Variants in ADGRB3 observed in about 807,000 individuals in gnomAD.
ADGRB3 encodes the protein brain-specific angiogenesis inhibitor 3.
ADGRB3 carries 37 observed loss-of-function variants against 193.4 expected under a neutral mutation model. The ratio of observed to expected loss-of-function variants is 0.19; its 90% CI spans 0.15 to 0.25. ADGRB3 has a LOEUF of 0.25. ADGRB3 is among the 10% of genes least tolerant of loss of function. The pLI is 1.00. For synonymous variants in ADGRB3, 690 were observed against 644.2 expected, an observed-to-expected ratio of 1.07 and a Z score of -1.08; for missense variants, 1,637 against 1,852.9, an observed-to-expected ratio of 0.88 and a Z score of 2.14.
chr6:69,360,734 T>C (rs1561998853), intron 28 of ADGRB3, 135 bp from the exon 29 acceptor site: 1 of 862,474 alleles, frequency 1.2e-6, no homozygotes, highest in Non-Finnish European at 1.7e-6. Flanking sequence ...CAAATTGATA[T>C]GTATTTTTTT....
intron 3 of ADGRB3, among the ~76,000 whole-genome samples, chr6:68,647,708 G>A (rs556113006): frequency 5.9e-5 from 9 of 152,214 alleles, no homozygotes; most frequent in East Asian, 1.9e-4. Context: ...ATTGCTGATC[G>A]GCAGCAAAGC....
chr6:69,102,017 A>G (rs976465383), intron 17 of ADGRB3, among the ~76,000 whole-genome samples: 3 of 152,132 alleles, frequency 2.0e-5, no homozygotes, highest in African/African-American at 4.8e-5. Flanking sequence ...CTCTACTAAA[A>G]ATACAAAAAA....
At chr6:69,183,015 A>G (rs911507932) in intron 17 of ADGRB3, among the ~76,000 whole-genome samples, 2 of 152,096 alleles carry the variant, frequency 1.3e-5, no homozygotes, top group African/African-American at 2.4e-5. Flanking sequence ...CTTTTAAAAT[A>G]TGGCACTACT....
intron 10 of ADGRB3, among the ~76,000 whole-genome samples, chr6:68,992,450 C>A (rs1359993465): frequency 6.6e-6 from 1 of 152,022 alleles, no homozygotes; most frequent in African/African-American, 2.4e-5. Flanking sequence ...TGAATAAATA[C>A]GTAAATATCA....
chr6:69,335,856 C>G (rs1326080760), intron 24 of ADGRB3, among the ~76,000 whole-genome samples: 1 of 152,006 alleles, frequency 6.6e-6, no homozygotes, highest in Non-Finnish European at 1.5e-5. Context: ...TGTTCCTTCT[C>G]CCATTTTTTC....
chr6:69,211,557 A>G (rs1046277804), intron 17 of ADGRB3, among the ~76,000 whole-genome samples: 3 of 152,192 alleles, frequency 2.0e-5, no homozygotes, highest in African/African-American at 7.2e-5. Flanking sequence ...AAATGTAACA[A>G]CTGAGCTTAA....
At chr6:69,206,679 A>G (rs1765547879) in intron 17 of ADGRB3, among the ~76,000 whole-genome samples, 1 of 152,216 alleles carries the variant, frequency 6.6e-6, no homozygotes, top group African/African-American at 2.4e-5. Flanking sequence ...CACATGATAA[A>G]AAAGAAAAGA....
chr6:69,074,829 G>A (rs1319981578), intron 16 of ADGRB3, among the ~76,000 whole-genome samples: 2 of 152,132 alleles, frequency 1.3e-5, no homozygotes, highest in African/African-American at 2.4e-5. Context: ...ACAGGCGTGA[G>A]CCACTGCGCC....
chr6:69,164,255 C>T (rs1775075970), intron 17 of ADGRB3, among the ~76,000 whole-genome samples: 1 of 152,002 alleles, frequency 6.6e-6, no homozygotes, highest in African/African-American at 2.4e-5. Context: ...CTACACCTAG[C>T]ACAGTGCTGG....
intron 17 of ADGRB3, among the ~76,000 whole-genome samples, chr6:69,084,169 T>C (rs1772481284): frequency 6.6e-6 from 1 of 152,130 alleles, no homozygotes; most frequent in Non-Finnish European, 1.5e-5. Flanking sequence ...TGCTGTCTGC[T>C]TTTCCCTCTG....
chr6:69,119,167 T>C (rs971231738), intron 17 of ADGRB3, among the ~76,000 whole-genome samples: 2 of 152,236 alleles, frequency 1.3e-5, no homozygotes, highest in African/African-American at 4.8e-5. Flanking sequence ...ATTGTAGTTA[T>C]GTCTAACTGA....
At chr6:69,227,667 G>A (rs1766048079) in intron 17 of ADGRB3, among the ~76,000 whole-genome samples, 1 of 152,094 alleles carries the variant, frequency 6.6e-6, no homozygotes, top group South Asian at 2.1e-4. Context: ...TTGTTCATGT[G>A]TCTTCTACTT....
intron 13 of ADGRB3, among the ~76,000 whole-genome samples, chr6:69,039,172 G>T (rs1770958090): frequency 6.6e-6 from 1 of 151,628 alleles, no homozygotes; most frequent in Non-Finnish European, 1.5e-5. Context: ...TAGTGATACT[G>T]GCAATTGGAT....
chr6:69,329,630 TG>T (rs1247418339), intron 22 of ADGRB3, among the ~76,000 whole-genome samples: 1 of 152,228 alleles, frequency 6.6e-6, no homozygotes, highest in Non-Finnish European at 1.5e-5. Context: ...AGCATGCTGA[TG>T]CTGTAAGCTG....
chr6:69,081,862 G>A (rs760060971), intron 17 of ADGRB3, among the ~76,000 whole-genome samples: 21 of 151,984 alleles, frequency 1.4e-4, no homozygotes, highest in East Asian at 3.9e-4. Flanking sequence ...GTCCATTAGC[G>A]TGAGCTATAA....
intron 3 of ADGRB3, among the ~76,000 whole-genome samples, chr6:68,826,214 A>G (rs1039463048): frequency 6.6e-6 from 1 of 152,196 alleles, no homozygotes; most frequent in African/African-American, 2.4e-5. Context: ...TTAGTATACC[A>G]AATGGGAATC....
intron 11 of ADGRB3, among the ~76,000 whole-genome samples, chr6:69,012,499 A>G (rs188999286): frequency 9.2e-5 from 14 of 152,202 alleles, no homozygotes; most frequent in Admixed American, 6.6e-4. Context: ...TTAGAGCTCA[A>G]TGGACTAAGC....
chr6:69,127,078 G>T (rs182297359), intron 17 of ADGRB3, among the ~76,000 whole-genome samples: 32 of 152,198 alleles, frequency 2.1e-4, no homozygotes, highest in Non-Finnish European at 4.1e-4. Flanking sequence ...TGAGATGTTA[G>T]ACTTCCCTGT....
intron 3 of ADGRB3, among the ~76,000 whole-genome samples, chr6:68,866,209 T>G (rs1299411961): frequency 6.6e-6 from 1 of 152,172 alleles, no homozygotes; most frequent in Non-Finnish European, 1.5e-5. Flanking sequence ...GGGAGGGACC[T>G]GGTAGGAGGT....
Sources: gnomAD v4.1 joint callset for allele counts (sites outside exome capture counted in the v4.1 genomes callset) on GRCh38, gnomAD v4.1.1 for gene constraint, MANE v1.5 for transcripts, NCBI Gene and HGNC (gene_info 2026-07-23, HGNC 2026-07-21) for gene names.